The following COL4A1 variants were observed in gnomAD, a reference collection of about 807,000 sequenced individuals.
The protein encoded by COL4A1 is collagen alpha-1(IV) chain.
A neutral mutation model predicts 216.6 loss-of-function variants in COL4A1; 40 were observed. The ratio of observed to expected loss-of-function variants is 0.18; its 90% CI spans 0.14 to 0.24. COL4A1 has a LOEUF of 0.24. Among genes scored for constraint, COL4A1 ranks in the 10% least tolerant of loss-of-function variants. The pLI, the probability that COL4A1 is intolerant of heterozygous loss-of-function variation, is 1.00. For synonymous variants in COL4A1, 839 were observed against 810.7 expected (o/e 1.03, Z -0.59); for missense variants, 1,628 against 2,196.8 (o/e 0.74, Z 5.18).
chr13:110,282,734 G>C (rs191147037), intron 1 of COL4A1, among the ~76,000 whole-genome samples: 11 of 152,284 alleles, frequency 7.2e-5, no homozygotes, highest in Admixed American at 3.3e-4. Context: ...TGTGCCTACT[G>C]ATTCTCCTGA....
chr13:110,242,815 T>C, intron 1 of COL4A1, 81 bp from the exon 2 acceptor site: 1 of 1,471,672 alleles, frequency 6.8e-7, no homozygotes. Flanking sequence ...GGTTCTGGCA[T>C]CTTGACTTGT....
At chr13:110,270,552 G>A (rs1252847023) in intron 1 of COL4A1, among the ~76,000 whole-genome samples, 4 of 152,206 alleles carry the variant, frequency 2.6e-5, no homozygotes, top group Non-Finnish European at 5.9e-5. Flanking sequence ...GTTAATCATT[G>A]TAGGGTCGTT....
rs1362503051 is a variant in COL4A1 at position 110,219,662 on chromosome 13, G to GTGTGTA, written c.145-5648_145-5647insTACACA. Among the ~76,000 whole-genome samples, 24 of 64,506 alleles carry GTGTGTA rather than the reference G, an allele frequency of 3.7e-4. 1 individual carries two copies. Among genetic ancestry groups the GTGTGTA allele is most frequent in the African/African-American group, 1.4e-3 (23 of 16,530 alleles). The allele number at this position is 64,506 out of a possible 152,430, so 42.3% of individuals were successfully genotyped here. A position where few individuals can be genotyped will look rare whatever the true frequency, so the allele number is the denominator to read the frequency against. ...GTAAGTTGAAAATATATATATATAT[G>GTGTGTA]TATATATATATATATGTGTATATAT... is the stretch of plus-strand genomic sequence containing the variant. On this transcript the variant is annotated intron_variant, in intron 2 of 51. Coordinates refer to ENST00000375820, the MANE Select transcript of COL4A1 (RefSeq NM_001845.6).
intron 1 of COL4A1, among the ~76,000 whole-genome samples, chr13:110,276,598 A>G (rs1363374123): frequency 2.0e-5 from 3 of 152,162 alleles, no homozygotes; most frequent in Admixed American, 1.3e-4. Context: ...CTCAGTATCA[A>G]TTTCTATGCA....
At chr13:110,232,431 G>A (rs879544853) in intron 2 of COL4A1, among the ~76,000 whole-genome samples, 18 of 152,180 alleles carry the variant, frequency 1.2e-4, no homozygotes, top group Non-Finnish European at 1.9e-4. Flanking sequence ...ACAACTTGCT[G>A]TCTAGAAACG....
chr13:110,205,753 C>G (rs1206945091), intron 15 of COL4A1, among the ~76,000 whole-genome samples: 1 of 151,894 alleles, frequency 6.6e-6, no homozygotes, highest in Admixed American at 6.6e-5. Flanking sequence ...GTCCCACCTA[C>G]TTGGGAGGCT....
intron 1 of COL4A1, among the ~76,000 whole-genome samples, chr13:110,302,680 G>A (rs1019739139): frequency 6.6e-6 from 1 of 152,222 alleles, no homozygotes; most frequent in Non-Finnish European, 1.5e-5. Flanking sequence ...TTCCTACAGT[G>A]TCAAAAGACT....
chr13:110,221,458 A>T (rs1378040564), intron 2 of COL4A1, among the ~76,000 whole-genome samples: 2 of 152,234 alleles, frequency 1.3e-5, no homozygotes, highest in Non-Finnish European at 2.9e-5. Flanking sequence ...CCCGAAAGCC[A>T]TCCAAAAGCA....
chr13:110,170,371 G>A (rs888663937), intron 42 of COL4A1, among the ~76,000 whole-genome samples, 176 bp downstream of exon 42: 2 of 152,188 alleles, frequency 1.3e-5, no homozygotes, highest in Non-Finnish European at 2.9e-5. Flanking sequence ...TTGACAGAAA[G>A]GATACAAGAA....
Position 110,203,608 on chromosome 13 carries a change from C to G in COL4A1, c.958-1G>C. 6.2e-7 allele frequency: 1 copy of G among 1,614,094 alleles called. No homozygotes were observed. Among genetic ancestry groups the G allele is most frequent in the Non-Finnish European group, 8.5e-7 (1 of 1,179,996 alleles). ...GAGGACCTGCTTCACCCTTTTCTCC[C>G]TACAAAAGAAAAAATAACTTTCCTT... On this transcript the variant is annotated splice_acceptor_variant, in intron 17 of 51. Coordinates refer to ENST00000375820, the MANE Select transcript of COL4A1 (RefSeq NM_001845.6). LOFTEE classifies it high-confidence loss of function.
chr13:110,222,024 A>G (rs1049650764), intron 2 of COL4A1, among the ~76,000 whole-genome samples: 1 of 152,160 alleles, frequency 6.6e-6, no homozygotes, highest in African/African-American at 2.4e-5. Flanking sequence ...GGCTCCATCA[A>G]CAACACATTC....
rs368879632 is a variant in COL4A1 at position 110,163,473 on chromosome 13, G to A, written c.4239C>T (p.Ala1413=). The change falls in exon 47 of 52, where the codon GCC becomes GCT. Residue 1413 remains alanine, a synonymous_variant. Coordinates refer to ENST00000375820, the MANE Select transcript of COL4A1 (RefSeq NM_001845.6). ...AGTTTCGCAACCTACCAGTAGGCCCGGCAGGTCCCATCTCTCCTTTCTGGC... is the reference window on the plus strand; with the variant it reads ...AGTTTCGCAACCTACCAGTAGGCCCAGCAGGTCCCATCTCTCCTTTCTGGC... ...APGQKGEMGP[A]GPTGPRGFPG... 78 of 1,614,056 alleles carry A rather than the reference G, an allele frequency of 4.8e-5. No homozygotes were observed. Among genetic ancestry groups the A allele is most frequent in the East Asian group, 4.7e-4 (21 of 44,876 alleles).
chr13:110,245,185 C>T (rs1323904905), intron 1 of COL4A1, among the ~76,000 whole-genome samples: 3 of 152,148 alleles, frequency 2.0e-5, no homozygotes, highest in Non-Finnish European at 4.4e-5. Flanking sequence ...CTGGGGAGTG[C>T]GCTGGCATCT....
At chr13:110,173,018 A>G (rs1434036713) in intron 40 of COL4A1, among the ~76,000 whole-genome samples, 1 of 152,184 alleles carries the variant, frequency 6.6e-6, no homozygotes, top group African/African-American at 2.4e-5. Flanking sequence ...TTTAGCACAA[A>G]TGATCTGTGC....
At chr13:110,168,050 C>T (rs894737281) in intron 43 of COL4A1, among the ~76,000 whole-genome samples, 1 of 151,772 alleles carries the variant, frequency 6.6e-6, no homozygotes, top group Non-Finnish European at 1.5e-5. Flanking sequence ...GACAGAGTCT[C>T]GCTCTGTCAT....
rs984568560 is a variant in COL4A1 at position 110,152,378 on chromosome 13, A to G, written c.4884T>C (p.Ala1628=). The change falls in exon 51 of 52, where the codon GCT becomes GCC. Residue 1628 remains alanine (A), a synonymous_variant. Coordinates refer to ENST00000375820, the MANE Select transcript of COL4A1 (RefSeq NM_001845.6). ...GRGTCNYYAN[A]YSFWLATIER... is the part of the protein sequence containing the mutation. ...CTATGGTGGCGAGCCAAAAGCTGTA[A>G]GCGTTTGCGTAGTAATTGCAGGTCC... The G allele has an allele frequency of 6.2e-7, 1 of 1,614,102 alleles. No individual in the cohort carries two copies. Among genetic ancestry groups the G allele is most frequent in the African/African-American group, 1.3e-5 (1 of 74,942 alleles).
At chr13:110,270,639 G>A (rs1883212350) in intron 1 of COL4A1, among the ~76,000 whole-genome samples, 2 of 152,076 alleles carry the variant, frequency 1.3e-5, no homozygotes, top group African/African-American at 4.8e-5. Flanking sequence ...GACCTCCCAG[G>A]CCAGTGTTTC....
Position 110,186,498 on chromosome 13 carries a change from C to A in COL4A1, c.1784G>T (p.Gly595Val). The A allele has an allele frequency of 6.2e-7, 1 of 1,613,842 alleles. No individual in the cohort carries two copies. Among genetic ancestry groups the A allele is most frequent in the South Asian group, 1.1e-5 (1 of 91,066 alleles). Residue 595 changes from glycine (G) to valine (V), a missense_variant, in exon 26 of 52, where the codon GGC (glycine) becomes GTC (valine). Gly to Val is a moderately radical substitution (Grantham distance 109). Coordinates refer to ENST00000375820, the MANE Select transcript of COL4A1 (RefSeq NM_001845.6). ...RGPPGGVGFP[G>V]SRGDTGPPGP... ...AGGGGGGCCGGTGTCACCACGACTG[C>A]CTGGGAATCCAACTCCTCCAGGGGG...
chr13:110,211,192 G>A lies in COL4A1; in HGVS notation c.468+455C>T, dbSNP rs1012103703. ...GGCTGATCCCAACATCCAGATGCCC[G>A]AGGTCCCCGCCCTGTGCCCAAGCAC... is the stretch of plus-strand genomic sequence containing the variant. On this transcript the variant is annotated intron_variant, in intron 8 of 51. Coordinates refer to ENST00000375820, the MANE Select transcript of COL4A1 (RefSeq NM_001845.6). This position sits in a 1 kb window ranked among gnomAD's most constrained non-coding sequence, Gnocchi z 4.3. Among the ~76,000 whole-genome samples the A allele has an allele frequency of 1.3e-5, 2 of 152,152 alleles. No homozygotes were observed. Among genetic ancestry groups the A allele is most frequent in the Non-Finnish European group, 2.9e-5 (2 of 68,024 alleles).
Sources: gnomAD v4.1 joint callset for allele counts (sites outside exome capture counted in the v4.1 genomes callset) on GRCh38, gnomAD v4.1.1 for gene constraint, Gnocchi (gnomAD v3.1) non-coding constraint, MANE v1.5 for transcripts, NCBI Gene and HGNC (gene_info 2026-07-23, HGNC 2026-07-21) for gene names.